Variants in PTPRD observed in about 807,000 individuals in gnomAD.
The protein encoded by PTPRD is receptor-type tyrosine-protein phosphatase delta.
Under a neutral mutation model 214.5 loss-of-function variants are expected in PTPRD, and 34 were observed. The observed-to-expected ratio is 0.16, with a 90% CI of 0.12 to 0.21. The LOEUF is 0.21. Among genes scored for constraint, PTPRD ranks in the 10% least tolerant of loss-of-function variants. PTPRD has a pLI of 1.00. For missense variants in PTPRD, 2,545 were observed against 2,398.7 expected, an observed-to-expected ratio of 1.06 and a Z score of -1.27; for synonymous variants, 1,128 against 845.7, an observed-to-expected ratio of 1.33 and a Z score of -5.79.
chr9:9,016,931 A>G (rs2099538046), intron 11 of PTPRD, among the ~76,000 whole-genome samples: 1 of 152,036 alleles, frequency 6.6e-6, no homozygotes, highest in East Asian at 1.9e-4. Context: ...TGGTGCTGGG[A>G]TTTTACTCAG....
intron 4 of PTPRD, among the ~76,000 whole-genome samples, chr9:9,999,248 A>C (rs577392767): frequency 1.5e-4 from 23 of 152,252 alleles, no homozygotes; most frequent in African/African-American, 5.3e-4. Flanking sequence ...CACCACACTC[A>C]AGTCAAAGCC....
chr9:10,037,664 C>T (rs758048531), intron 3 of PTPRD, among the ~76,000 whole-genome samples: 3 of 150,712 alleles, frequency 2.0e-5, no homozygotes, highest in African/African-American at 7.3e-5. Context: ...AAGACAAGTT[C>T]TCCATGGGAA....
At chr9:9,756,597 T>C (rs1348933824) in intron 6 of PTPRD, among the ~76,000 whole-genome samples, 1 of 152,074 alleles carries the variant, frequency 6.6e-6, no homozygotes, top group African/African-American at 2.4e-5. Flanking sequence ...GGAACAACTG[T>C]TTAGTGGATA....
At chr9:8,483,926 A>T (rs1331905963) in intron 30 of PTPRD, among the ~76,000 whole-genome samples, 193 bp downstream of exon 30, 2 of 152,244 alleles carry the variant, frequency 1.3e-5, no homozygotes, top group Admixed American at 1.3e-4. Flanking sequence ...TGTTAAATTA[A>T]TGAAAATCTG....
chr9:8,487,753 T>TGAGC (rs1473452793), intron 27 of PTPRD, among the ~76,000 whole-genome samples: 1 of 152,062 alleles, frequency 6.6e-6, no homozygotes, highest in Admixed American at 6.6e-5. Context: ...GAGGTTGCAG[T>TGAGC]GAGCCGAGAT....
At chr9:9,825,980 G>A (rs1050906848) in intron 5 of PTPRD, among the ~76,000 whole-genome samples, 1 of 151,416 alleles carries the variant, frequency 6.6e-6, no homozygotes, top group Non-Finnish European at 1.5e-5. Context: ...CATGAAATTA[G>A]ATTATCTTTC....
intron 11 of PTPRD, among the ~76,000 whole-genome samples, chr9:8,973,744 A>G (rs1319400742): frequency 1.3e-5 from 2 of 152,024 alleles, no homozygotes; most frequent in African/African-American, 4.8e-5. Context: ...TTTGACTTTT[A>G]ATAATCACCA....
chr9:9,458,353 T>A (rs2145737343), intron 8 of PTPRD, among the ~76,000 whole-genome samples: 1 of 152,228 alleles, frequency 6.6e-6, no homozygotes, highest in South Asian at 2.1e-4. Flanking sequence ...TACCACTATT[T>A]TTTTAGTATA....
rs1482398091 is a variant in PTPRD at position 10,069,828 on chromosome 9, T to A, written c.-544-36038A>T. ...TGATATGTGTTGACATGTTTCTGTA[T>A]CTTGCTTCAATTTTTCCTGCTTTTT... is the stretch of plus-strand genomic sequence containing the variant. On this transcript the variant is annotated intron_variant, in intron 3 of 45. Coordinates refer to ENST00000381196, the MANE Select transcript of PTPRD (RefSeq NM_002839.4). Among the ~76,000 whole-genome samples, 3 of 152,066 alleles carry A rather than the reference T, an allele frequency of 2.0e-5. No homozygotes were observed. The East Asian group carries it at 5.8e-4, about 29-fold the overall frequency.
intron 2 of PTPRD, among the ~76,000 whole-genome samples, chr9:10,378,156 TG>T (rs2154481262): frequency 6.6e-6 from 1 of 152,228 alleles, no homozygotes; most frequent in South Asian, 2.1e-4. Context: ...ATTTCTCTGA[TG>T]ATCAATGATG....
At chr9:9,815,252 G>A (rs1720005627) in intron 5 of PTPRD, among the ~76,000 whole-genome samples, 1 of 152,012 alleles carries the variant, frequency 6.6e-6, no homozygotes, top group Non-Finnish European at 1.5e-5. Context: ...AGAGTGCCAA[G>A]GATTCACAAT....
intron 5 of PTPRD, among the ~76,000 whole-genome samples, chr9:9,853,123 G>A (rs773866163): frequency 5.3e-5 from 8 of 152,042 alleles, no homozygotes; most frequent in South Asian, 4.1e-4. Flanking sequence ...CTCTAGTCTC[G>A]GCAGAAGGAG....
chr9:8,523,170 T>C (rs1194844934), intron 19 of PTPRD, among the ~76,000 whole-genome samples: 1 of 152,064 alleles, frequency 6.6e-6, no homozygotes, highest in East Asian at 1.9e-4. Context: ...GAAAAAGTCA[T>C]TCTATGGGCA....
At chr9:9,446,127 G>T (rs1174448144) in intron 8 of PTPRD, among the ~76,000 whole-genome samples, 2 of 152,044 alleles carry the variant, frequency 1.3e-5, no homozygotes, top group Admixed American at 6.6e-5. Flanking sequence ...TTTGCACGTG[G>T]CACCTCCAAG....
chr9:9,188,690 T>C (rs370224576), intron 9 of PTPRD, among the ~76,000 whole-genome samples: 27 of 151,968 alleles, frequency 1.8e-4, no homozygotes, highest in African/African-American at 6.3e-4. Context: ...CTTTTAAGGA[T>C]TTTCCCTGGA....
chr9:8,945,692 G>C (rs1321242916), intron 11 of PTPRD, among the ~76,000 whole-genome samples: 1 of 151,272 alleles, frequency 6.6e-6, no homozygotes, highest in East Asian at 2.0e-4. Flanking sequence ...TTGATTATTT[G>C]GTAATGGATT....
intron 5 of PTPRD, among the ~76,000 whole-genome samples, chr9:9,899,292 C>T (rs953649094): frequency 6.6e-6 from 1 of 151,910 alleles, no homozygotes; most frequent in African/African-American, 2.4e-5. Flanking sequence ...AAGTACTGTA[C>T]TTCTGAACCG....
intron 3 of PTPRD, among the ~76,000 whole-genome samples, chr9:10,163,326 A>G (rs979700842): frequency 6.6e-6 from 1 of 151,416 alleles, no homozygotes; most frequent in Non-Finnish European, 1.5e-5. Context: ...AATGTACCAC[A>G]TATAACTTAG....
chr9:8,966,590 A>G (rs1434008788), intron 11 of PTPRD, among the ~76,000 whole-genome samples: 2 of 151,722 alleles, frequency 1.3e-5, no homozygotes, highest in East Asian at 3.9e-4. Flanking sequence ...CCTATATACT[A>G]TATACAAAAA....
Sources: allele counts gnomAD v4.1 joint callset (sites outside exome capture counted in the v4.1 genomes callset), GRCh38; gene constraint gnomAD v4.1.1; transcripts MANE v1.5; gene names NCBI Gene and HGNC (gene_info 2026-07-23, HGNC 2026-07-21).